The following BCAS4 variants were observed in gnomAD, a reference collection of about 807,000 sequenced individuals.
BCAS4 encodes the protein breast carcinoma amplified sequence 4, also known as breast carcinoma-amplified sequence 4.
BCAS4 carries 9 observed loss-of-function variants against 15.7 expected under a neutral mutation model. That is an observed-to-expected ratio of 0.57 (90% CI 0.34 to 1.00). The LOEUF (loss-of-function observed/expected upper bound fraction) is 1.00. BCAS4 is among the 50% of genes least tolerant of loss of function. BCAS4 has a pLI of 0.02. For missense variants in BCAS4, 225 were observed against 239.1 expected (o/e 0.94, Z 0.39); for synonymous variants, 101 against 99.5 (o/e 1.02, Z -0.09).
At chr20:50,862,316 T>A (rs995389724) in intron 4 of BCAS4, among the ~76,000 whole-genome samples, 1 of 152,218 alleles carries the variant, frequency 6.6e-6, no homozygotes, top group Non-Finnish European at 1.5e-5. Context: ...TCCTGTCTCA[T>A]GATGTTCATC....
intron 3 of BCAS4, among the ~76,000 whole-genome samples, chr20:50,831,200 G>T (rs1380342727): frequency 6.6e-6 from 1 of 152,178 alleles, no homozygotes; most frequent in East Asian, 1.9e-4. Flanking sequence ...AGGCTGAGGC[G>T]GGTGGATCAA....
chr20:50,817,257 TA>T (rs1216593246), intron 1 of BCAS4, among the ~76,000 whole-genome samples: 1 of 152,144 alleles, frequency 6.6e-6, no homozygotes, highest in Non-Finnish European at 1.5e-5. Context: ...TTACATAACA[TA>T]AAAAATTCAA....
intron 4 of BCAS4, among the ~76,000 whole-genome samples, chr20:50,864,041 G>A (rs908085479): frequency 2.0e-5 from 3 of 152,162 alleles, no homozygotes; most frequent in Admixed American, 1.3e-4. Context: ...CCCTTGTTCC[G>A]TGCCCAGGGC....
chr20:50,881,058 C>A (rs1319253825), downstream of BCAS4: 1 of 152,024 alleles, frequency 6.6e-6, no homozygotes, highest in Non-Finnish European at 1.5e-5. Flanking sequence ...CATAGCAAAA[C>A]CCCTTCTCTG....
intron 4 of BCAS4, among the ~76,000 whole-genome samples, chr20:50,861,921 A>G (rs1179280673): frequency 7.9e-6 from 1 of 126,638 alleles, no homozygotes; most frequent in East Asian, 2.3e-4. Flanking sequence ...TGACATAATC[A>G]TGGCTCACTG....
intron 1 of BCAS4, among the ~76,000 whole-genome samples, chr20:50,812,422 C>T (rs2123764445): frequency 6.7e-6 from 1 of 148,312 alleles, no homozygotes; most frequent in Middle Eastern, 3.7e-3. Context: ...GCGTGAGCTA[C>T]TGCGTCTGGC....
At chr20:50,804,665 C>G (rs2087968882) in intron 1 of BCAS4, among the ~76,000 whole-genome samples, 1 of 152,194 alleles carries the variant, frequency 6.6e-6, no homozygotes. Context: ...ACAGCACATG[C>G]ATTTTAAATG....
At chr20:50,795,828 C>T (rs1251599814) in intron 1 of BCAS4, among the ~76,000 whole-genome samples, 1 of 152,186 alleles carries the variant, frequency 6.6e-6, no homozygotes, top group African/African-American at 2.4e-5. Context: ...TCTCTCCCAC[C>T]CCAATTCTAG....
intron 1 of BCAS4, among the ~76,000 whole-genome samples, chr20:50,810,287 A>G (rs958423166): frequency 6.6e-6 from 1 of 151,948 alleles, no homozygotes; most frequent in African/African-American, 2.4e-5. Context: ...CCTTGCTCCC[A>G]TCACATCCTA....
At chr20:50,848,214 C>T (rs2088571073) in intron 4 of BCAS4, among the ~76,000 whole-genome samples, 1 of 152,108 alleles carries the variant, frequency 6.6e-6, no homozygotes, top group Admixed American at 6.6e-5. Context: ...CGAGATTGCA[C>T]CACTGCACTC....
At chr20:50,872,756 C>T (rs1239706238) in intron 4 of BCAS4, among the ~76,000 whole-genome samples, 1 of 152,180 alleles carries the variant, frequency 6.6e-6, no homozygotes, top group African/African-American at 2.4e-5. Context: ...TGACTTCAGC[C>T]CAGTTCTCCA....
intron 3 of BCAS4, among the ~76,000 whole-genome samples, chr20:50,836,454 G>A (rs1273564807): frequency 1.3e-5 from 2 of 152,178 alleles, no homozygotes; most frequent in East Asian, 1.9e-4. Flanking sequence ...AATGAGACCC[G>A]CACCTGCCAT....
chr20:50,803,241 G>A (rs1365000605), intron 1 of BCAS4, among the ~76,000 whole-genome samples: 1 of 152,214 alleles, frequency 6.6e-6, no homozygotes, highest in African/African-American at 2.4e-5. Flanking sequence ...GCGGGCCAGT[G>A]CCATAGCGAT....
At chr20:50,806,283 G>A (rs967482304) in intron 1 of BCAS4, among the ~76,000 whole-genome samples, 2 of 152,210 alleles carry the variant, frequency 1.3e-5, no homozygotes, top group African/African-American at 4.8e-5. Flanking sequence ...AGCATAAAAT[G>A]CAAGGCTGGG....
intron 1 of BCAS4, among the ~76,000 whole-genome samples, chr20:50,815,410 G>A (rs1452624458): frequency 1.3e-5 from 2 of 152,124 alleles, no homozygotes; most frequent in Admixed American, 6.6e-5. Context: ...TCCATCACCC[G>A]CTGTGCCCCA....
At chr20:50,809,992 G>C (rs559039203) in intron 1 of BCAS4, among the ~76,000 whole-genome samples, 2 of 152,186 alleles carry the variant, frequency 1.3e-5, no homozygotes, top group African/African-American at 4.8e-5. Flanking sequence ...ACCAGTTGTA[G>C]GAGCTTTTTG....
chr20:50,843,541 T>A (rs1347654337), intron 4 of BCAS4, among the ~76,000 whole-genome samples: 1 of 146,564 alleles, frequency 6.8e-6, no homozygotes, highest in East Asian at 2.0e-4. Flanking sequence ...TGTACCTGCC[T>A]GAGGCATGTG....
chr20:50,825,426 G>T (rs2088268081), intron 2 of BCAS4, among the ~76,000 whole-genome samples: 1 of 152,206 alleles, frequency 6.6e-6, no homozygotes. Context: ...GAACCAAGAG[G>T]TAAGGTTTGG....
chr20:50,871,127 C>T (rs919685884), intron 4 of BCAS4, among the ~76,000 whole-genome samples: 2 of 152,200 alleles, frequency 1.3e-5, no homozygotes, highest in Non-Finnish European at 2.9e-5. Context: ...AAGGTGAAAA[C>T]CCCAGGGTTT....
Sources: gnomAD v4.1 joint callset for allele counts (sites outside exome capture counted in the v4.1 genomes callset) on GRCh38, gnomAD v4.1.1 for gene constraint, MANE v1.5 for transcripts, NCBI Gene and HGNC (gene_info 2026-07-23, HGNC 2026-07-21) for gene names.